The following NXPH1 variants were observed in gnomAD, a reference collection of about 807,000 sequenced individuals.
The protein encoded by NXPH1 is neurexophilin 1, also known as neurexophilin-1.
NXPH1 carries 5 observed loss-of-function variants against 23.7 expected under a neutral mutation model. The observed-to-expected ratio is 0.21, with a 90% CI of 0.11 to 0.44. The LOEUF (loss-of-function observed/expected upper bound fraction) is 0.44, where lower values mean the gene tolerates loss of function less well. Among genes scored for constraint, NXPH1 ranks in the 20% least tolerant of loss-of-function variants. The pLI is 0.99. For synonymous variants in NXPH1, 144 were observed against 122.2 expected, an observed-to-expected ratio of 1.18 and a Z score of -1.18; for missense variants, 324 against 321.6, an observed-to-expected ratio of 1.01 and a Z score of -0.06.
At chr7:8,510,038 C>T (rs757766287) in intron 2 of NXPH1, among the ~76,000 whole-genome samples, 33 of 152,186 alleles carry the variant, frequency 2.2e-4, no homozygotes, top group African/African-American at 7.9e-4. Flanking sequence ...TGAGCTAATC[C>T]TAAGCTTCAG....
intron 2 of NXPH1, among the ~76,000 whole-genome samples, chr7:8,471,357 G>A (rs1007664146): frequency 6.6e-6 from 1 of 152,146 alleles, no homozygotes; most frequent in Non-Finnish European, 1.5e-5. Context: ...TGGGTCACAC[G>A]AATATCATTA....
intron 2 of NXPH1, among the ~76,000 whole-genome samples, chr7:8,536,840 T>C (rs888927226): frequency 1.3e-5 from 2 of 151,988 alleles, no homozygotes; most frequent in Non-Finnish European, 2.9e-5. Flanking sequence ...GTTTTATGGA[T>C]ACAGGGTGAG....
intron 2 of NXPH1, among the ~76,000 whole-genome samples, chr7:8,655,496 TCACA>T (rs1169353379): frequency 7.3e-6 from 1 of 136,508 alleles, no homozygotes; most frequent in Non-Finnish European, 1.6e-5. Context: ...GATATGTCCA[TCACA>T]CGCACACACA....
At chr7:8,697,783 C>T (rs10232954) in intron 2 of NXPH1, among the ~76,000 whole-genome samples, 18,674 of 151,966 alleles carry the variant, frequency 0.12, 2,162 homozygotes, top group African/African-American at 0.31. Context: ...TTCCAGAGAG[C>T]GAGAAAACTG....
chr7:8,700,127 T>A (rs989955627), intron 2 of NXPH1, among the ~76,000 whole-genome samples: 1 of 152,182 alleles, frequency 6.6e-6, no homozygotes, highest in African/African-American at 2.4e-5. Context: ...GTGAGGCACC[T>A]GAGAGAAACT....
chr7:8,588,023 A>G (rs1052088786), intron 2 of NXPH1, among the ~76,000 whole-genome samples: 3 of 152,202 alleles, frequency 2.0e-5, no homozygotes, highest in African/African-American at 7.2e-5. Context: ...GTCATTAGAG[A>G]AATACAAATC....
chr7:8,525,000 C>T (rs544967922), intron 2 of NXPH1, among the ~76,000 whole-genome samples: 21 of 152,256 alleles, frequency 1.4e-4, no homozygotes, highest in African/African-American at 2.6e-4. Flanking sequence ...CTTTGGAACT[C>T]GTAAACAGGC....
chr7:8,612,791 G>A (rs895757285), intron 2 of NXPH1, among the ~76,000 whole-genome samples: 1 of 151,984 alleles, frequency 6.6e-6, no homozygotes, highest in African/African-American at 2.4e-5. Flanking sequence ...GAGACACAGA[G>A]GTCAGCCTTC....
intron 2 of NXPH1, among the ~76,000 whole-genome samples, chr7:8,487,100 G>C (rs1239837547): frequency 6.6e-6 from 1 of 151,848 alleles, no homozygotes; most frequent in African/African-American, 2.4e-5. Flanking sequence ...ACATATTTTT[G>C]AATGAATATG....
At chr7:8,612,951 G>A (rs1583192590) in intron 2 of NXPH1, among the ~76,000 whole-genome samples, 1 of 152,106 alleles carries the variant, frequency 6.6e-6, no homozygotes, top group East Asian at 1.9e-4. Context: ...TGCTTTGTTG[G>A]GTAGGATGTG....
chr7:8,450,465 G>GAAAGTACAC (rs1281912151), intron 2 of NXPH1, among the ~76,000 whole-genome samples: 1 of 152,218 alleles, frequency 6.6e-6, no homozygotes, highest in Non-Finnish European at 1.5e-5. Flanking sequence ...CATGTGTAAA[G>GAAAGTACAC]ATGAAGTAGA....
chr7:8,486,845 C>A (rs1024149312), intron 2 of NXPH1, among the ~76,000 whole-genome samples: 5 of 152,086 alleles, frequency 3.3e-5, no homozygotes, highest in East Asian at 1.9e-4. Context: ...TTAATCAGTT[C>A]TCAGATTAAA....
chr7:8,491,449 T>G (rs1817246538), intron 2 of NXPH1, among the ~76,000 whole-genome samples: 1 of 152,050 alleles, frequency 6.6e-6, no homozygotes, highest in Non-Finnish European at 1.5e-5. Flanking sequence ...CAGTAAGGTT[T>G]GAAAAATATG....
chr7:8,631,654 G>C (rs1056444073), intron 2 of NXPH1, among the ~76,000 whole-genome samples: 4 of 152,000 alleles, frequency 2.6e-5, no homozygotes, highest in African/African-American at 9.7e-5. Flanking sequence ...GTATGTCCAC[G>C]AAATGACCAC....
Position 8,529,077 on chromosome 7 carries a change from A to G in NXPH1, c.54+93310A>G, listed in dbSNP as rs117489468. Among the ~76,000 whole-genome samples the G allele has an allele frequency of 3.4e-3, 522 of 152,278 alleles. 4 individuals are homozygous for G. The highest frequency in any genetic ancestry group is 0.024 in the Middle Eastern group (7 of 294). On this transcript the variant is annotated intron_variant, in intron 2 of 2. Transcript: ENST00000405863. Reference sequence around the variant, plus strand: ...TAGGACTCTATTCCCTTGACATATGACACCTGTCATCATCAAGTTAACAGT... The same window carrying G: ...TAGGACTCTATTCCCTTGACATATGGCACCTGTCATCATCAAGTTAACAGT...
chr7:8,454,398 C>T (rs187308858), intron 2 of NXPH1, among the ~76,000 whole-genome samples: 25 of 152,168 alleles, frequency 1.6e-4, no homozygotes, highest in Middle Eastern at 3.4e-3. Context: ...TAGATTTTAA[C>T]CACTACAAGG....
chr7:8,588,320 A>G (rs1426509196), intron 2 of NXPH1, among the ~76,000 whole-genome samples: 2 of 152,190 alleles, frequency 1.3e-5, no homozygotes, highest in African/African-American at 4.8e-5. Flanking sequence ...TGTTAAATAC[A>G]TTGTATTAAA....
intron 2 of NXPH1, among the ~76,000 whole-genome samples, chr7:8,727,907 G>A (rs1333746815): frequency 6.6e-6 from 1 of 151,642 alleles, no homozygotes; most frequent in Non-Finnish European, 1.5e-5. Flanking sequence ...GGATGGCATT[G>A]AATCTGTAAA....
At chr7:8,691,330 G>A (rs1350841869) in intron 2 of NXPH1, among the ~76,000 whole-genome samples, 2 of 151,844 alleles carry the variant, frequency 1.3e-5, no homozygotes, top group Non-Finnish European at 2.9e-5. Context: ...TGTATTTTTT[G>A]TAGAGACAGG....
Sources: allele counts gnomAD v4.1 joint callset (sites outside exome capture counted in the v4.1 genomes callset), GRCh38; gene constraint gnomAD v4.1.1; transcripts MANE v1.5; gene names NCBI Gene and HGNC (gene_info 2026-07-23, HGNC 2026-07-21).